Variants in PDXK observed in about 807,000 individuals in gnomAD.
PDXK encodes pyridoxal kinase.
A neutral mutation model predicts 43.2 loss-of-function variants in PDXK; 15 were observed. The ratio of observed to expected loss-of-function variants is 0.35; its 90% CI spans 0.23 to 0.53. The LOEUF (loss-of-function observed/expected upper bound fraction) is 0.53. PDXK is among the 20% of genes least tolerant of loss of function. PDXK has a pLI of 0.92. For missense variants in PDXK, 343 were observed against 417.0 expected, an observed-to-expected ratio of 0.82 and a Z score of 1.54; for synonymous variants, 172 against 165.4, an observed-to-expected ratio of 1.04 and a Z score of -0.31.
At chr21:43,750,420 C>T (rs1392000653) in intron 6 of PDXK, 80 bp from the exon 7 acceptor site, 35 of 1,264,104 alleles carry the variant, frequency 2.8e-5, no homozygotes, top group Admixed American at 1.4e-4. Context: ...AGAGCCGCTG[C>T]GGTTTGGGGA....
chr21:43,720,237 T>TG (rs2083195678), intron 1 of PDXK, among the ~76,000 whole-genome samples: 1 of 152,062 alleles, frequency 6.6e-6, no homozygotes, highest in Non-Finnish European at 1.5e-5. Flanking sequence ...GCAGGAGGGC[T>TG]GGGGGTGCCC....
At position 43,759,823 on chromosome 21, in the gene PDXK, C is replaced by T. The variant is rs986683688; in HGVS notation, c.*3760C>T. The stretch of plus-strand genomic sequence containing the variant: ...CAGGCCAGCGGCTTCCGCTGAGACT[C>T]GCTGGAGAGGCGGCTCCCGTGTCCG... On this transcript the variant is annotated 3_prime_UTR_variant, in exon 11 of 11. Coordinates refer to ENST00000291565, the MANE Select transcript of PDXK (RefSeq NM_003681.5). 2 of 152,258 alleles carry T rather than the reference C, an allele frequency of 1.3e-5. No individual in the cohort carries two copies. Among genetic ancestry groups the T allele is most frequent in the African/African-American group, 2.4e-5 (1 of 41,470 alleles). The allele number at this position is 152,258 out of a possible 1,614,324, so 9.4% of individuals were successfully genotyped here.
Position 43,755,755 on chromosome 21 carries a change from T to C in PDXK, c.817T>C (p.Cys273Arg), listed in dbSNP as rs1425117585. 6.2e-7 allele frequency: 1 copy of C among 1,613,858 alleles called. No homozygotes were observed. Among genetic ancestry groups the C allele is most frequent in the African/African-American group, 1.3e-5 (1 of 74,928 alleles). ...CCACGTTCTGCAGAGGACCATCCAGTGTGCAAAAGGTACGGCGGCCGGGCT... is the reference window on the plus strand; with the variant it reads ...CCACGTTCTGCAGAGGACCATCCAGCGTGCAAAAGGTACGGCGGCCGGGCT... ...LHHVLQRTIQ[C>R]AKAQAGEGVR... The change falls in exon 10 of 11, where the codon TGT becomes CGT. Residue 273 changes from cysteine (C) to arginine (R), a missense_variant. Transcript: ENST00000291565.
intron 4 of PDXK, 96 bp from the exon 5 acceptor site, chr21:43,745,983 C>G: frequency 1.0e-6 from 1 of 981,306 alleles, no homozygotes; most frequent in Non-Finnish European, 1.6e-6. Context: ...GACAACAGAG[C>G]AAGACCCTGT....
chr21:43,741,942 C>T (rs931733672), intron 3 of PDXK, among the ~76,000 whole-genome samples, 171 bp downstream of exon 3: 4 of 152,076 alleles, frequency 2.6e-5, no homozygotes, highest in African/African-American at 4.8e-5. Flanking sequence ...CTGGGGGGTC[C>T]TGGCCACACT....
Position 43,734,143 on chromosome 21 carries a change from A to C in PDXK, c.142+20A>C. ...ACACAGGTAAGGCGTTGGCTCCAGC[A>C]GCTGGCATAGAGCAGACTGTGGGTG... On this transcript the variant is annotated intron_variant, in intron 2 of 10. Coordinates refer to ENST00000291565, the MANE Select transcript of PDXK (RefSeq NM_003681.5). This position sits in a 1 kb window ranked among gnomAD's most constrained non-coding sequence, Gnocchi z 5.0. 1.2e-6 allele frequency: 2 copies of C among 1,611,210 alleles called. No homozygotes were observed. The highest frequency in any genetic ancestry group is 1.7e-6 in the Non-Finnish European group (2 of 1,177,342).
chr21:43,733,927 C>T (rs150508381), intron 1 of PDXK, 142 bp from the exon 2 acceptor site: 18 of 752,436 alleles, frequency 2.4e-5, no homozygotes, highest in Middle Eastern at 2.6e-4. Flanking sequence ...TGCTCTGATG[C>T]GTCAGCCCTC....
intron 1 of PDXK, chr21:43,733,562 A>G (rs2083354985): frequency 1.4e-6 from 1 of 703,112 alleles, no homozygotes; most frequent in African/African-American, 2.0e-5. Context: ...TCACACACCC[A>G]CTCCCTGACT....
At chr21:43,721,006 G>A (rs2083202389) in intron 1 of PDXK, among the ~76,000 whole-genome samples, 1 of 152,194 alleles carries the variant, frequency 6.6e-6, no homozygotes, top group Non-Finnish European at 1.5e-5. Flanking sequence ...GTGGAGCCTC[G>A]AAAGGATGGC....
intron 3 of PDXK, 22 bp from the exon 4 acceptor site, chr21:43,743,702 G>A: frequency 6.4e-7 from 1 of 1,562,194 alleles, no homozygotes; most frequent in African/African-American, 1.4e-5. Context: ...TTCTGAGGGT[G>A]ACCTGGATTC....
chr21:43,759,676 A>C lies in PDXK; in HGVS notation c.*3613A>C, dbSNP rs117070793. The C allele has an allele frequency of 0.015, 2,343 of 152,890 alleles. 29 individuals carry two copies. Among genetic ancestry groups the C allele is most frequent in the Middle Eastern group, 0.07 (21 of 298 alleles). 9.5% of individuals were successfully genotyped at this position (152,890 alleles called of 1,614,324 possible). On this transcript the variant is annotated 3_prime_UTR_variant, in exon 11 of 11. Transcript: ENST00000291565. ...AGAGCAGGTTATGTGCAGACAGGGA[A>C]ACGAGAACTTTGGACCTGGCTTTCT...
intron 3 of PDXK, among the ~76,000 whole-genome samples, chr21:43,742,908 A>T (rs1463648764): frequency 1.3e-5 from 2 of 152,146 alleles, no homozygotes; most frequent in Non-Finnish European, 2.9e-5. Context: ...TATTACTGAA[A>T]GTAGAAATAT....
At chr21:43,755,884 TGGGA>T (rs2083841008) in intron 10 of PDXK, 63 bp from the exon 11 acceptor site, 3 of 1,448,722 alleles carry the variant, frequency 2.1e-6, no homozygotes, top group Non-Finnish European at 1.9e-6. Flanking sequence ...ACCTCACCTC[TGGGA>T]GTGGGGGCAA....
intron 2 of PDXK, among the ~76,000 whole-genome samples, chr21:43,739,137 T>A (rs1000796149): frequency 6.6e-6 from 1 of 152,092 alleles, no homozygotes; most frequent in East Asian, 1.9e-4. Context: ...GGTTTCACAG[T>A]GTTCACCAGG....
At chr21:43,726,275 T>C (rs1024000973) in intron 1 of PDXK, among the ~76,000 whole-genome samples, 30 of 142,480 alleles carry the variant, frequency 2.1e-4, no homozygotes, top group Middle Eastern at 3.4e-3. Flanking sequence ...TTTTTCTTTT[T>C]TTTTTTTTTT....
Position 43,732,045 on chromosome 21 carries a change from C to A in PDXK, c.88-2024C>A. 1 of 652,252 alleles carries A rather than the reference C, an allele frequency of 1.5e-6. No individual in the cohort carries two copies. Among genetic ancestry groups the A allele is most frequent in the Non-Finnish European group, 2.0e-6 (1 of 492,204 alleles). The allele number at this position is 652,252 out of a possible 1,614,324, so 40.4% of individuals were successfully genotyped here. On this transcript the variant is annotated intron_variant, in intron 1 of 10. Transcript: ENST00000291565. This position sits in a 1 kb window ranked among gnomAD's most constrained non-coding sequence, Gnocchi z 4.1. ...AGCCACAAAGTGGATTCCGCTGCTG[C>A]TATGGGAAGGGACGGTCACTACCGC...
chr21:43,750,936 G>C (rs2876907), intron 7 of PDXK, among the ~76,000 whole-genome samples: 1 of 148,902 alleles, frequency 6.7e-6, no homozygotes, highest in Non-Finnish European at 1.5e-5. Flanking sequence ...GTGCGTATGT[G>C]TGCACGTGTT....
chr21:43,724,981 C>G (rs1003261223), intron 1 of PDXK, among the ~76,000 whole-genome samples: 3 of 151,976 alleles, frequency 2.0e-5, no homozygotes, highest in Admixed American at 1.3e-4. Flanking sequence ...GTGGCCTCTT[C>G]TTCAGAGATG....
intron 1 of PDXK, among the ~76,000 whole-genome samples, chr21:43,724,601 G>C (rs1183951236): frequency 1.3e-5 from 2 of 151,196 alleles, no homozygotes; most frequent in Admixed American, 6.6e-5. Context: ...CAGTACTTTA[G>C]GAGGCCGAGA....
Sources: allele counts gnomAD v4.1 joint callset (sites outside exome capture counted in the v4.1 genomes callset), GRCh38; gene constraint gnomAD v4.1.1; non-coding constraint Gnocchi (gnomAD v3.1); transcripts MANE v1.5; gene names NCBI Gene and HGNC (gene_info 2026-07-23, HGNC 2026-07-21).